PCSK1: variants seen among roughly 807,000 people sequenced by gnomAD.
PCSK1 encodes neuroendocrine convertase 1.
A neutral mutation model predicts 90.6 loss-of-function variants in PCSK1; 56 were observed. The observed-to-expected ratio is 0.62, with a 90% CI of 0.50 to 0.77. The LOEUF (loss-of-function observed/expected upper bound fraction) is 0.77, where lower values mean the gene tolerates loss of function less well. PCSK1 is among the 30% of genes least tolerant of loss of function. The pLI, the probability that PCSK1 is intolerant of heterozygous loss-of-function variation, is 0.00. For missense variants in PCSK1, 801 were observed against 932.6 expected (o/e 0.86, Z 1.84); for synonymous variants, 348 against 342.4 (o/e 1.02, Z -0.18).
Position 96,409,689 on chromosome 5 carries a change from G to A in PCSK1, c.1095+1085C>T, listed in dbSNP as rs374046691. Among the ~76,000 whole-genome samples the A allele has an allele frequency of 3.9e-5, 6 of 152,318 alleles. No individual in the cohort carries two copies. The South Asian group carries it at 1.2e-3, about 32-fold the overall frequency. ...ACCCAGGGAAATGACAACAGCCAGG[G>A]GCTCTGAAGACAAGTGGGGCAGATG... On this transcript the variant is annotated intron_variant, in intron 8 of 13. Coordinates refer to ENST00000311106, the MANE Select transcript of PCSK1 (RefSeq NM_000439.5).
chr5:96,404,601 A>T (rs1311084539), intron 9 of PCSK1, among the ~76,000 whole-genome samples: 2 of 152,184 alleles, frequency 1.3e-5, no homozygotes, highest in East Asian at 3.9e-4. Flanking sequence ...TCATAAATGC[A>T]TGTTCATTTA....
intron 8 of PCSK1, among the ~76,000 whole-genome samples, chr5:96,410,507 G>A (rs1034869255): frequency 6.6e-6 from 1 of 151,914 alleles, no homozygotes; most frequent in Admixed American, 6.6e-5. Context: ...TGGAGTCTCC[G>A]CTGTGTGTAA....
At chr5:96,403,312 C>T (rs142002738) in intron 9 of PCSK1, among the ~76,000 whole-genome samples, 276 of 152,114 alleles carry the variant, frequency 1.8e-3, no homozygotes, top group Non-Finnish European at 2.9e-3. Flanking sequence ...ATGTGCACAA[C>T]GTGCAGTTTT....
At chr5:96,402,963 A>G (rs1760433797) in intron 9 of PCSK1, among the ~76,000 whole-genome samples, 1 of 152,152 alleles carries the variant, frequency 6.6e-6, no homozygotes, top group Non-Finnish European at 1.5e-5. Flanking sequence ...TTTTAAAAGG[A>G]GTTTTAGGTA....
chr5:96,426,394 ATAT>A (rs1443795987), intron 2 of PCSK1, among the ~76,000 whole-genome samples: 1 of 152,186 alleles, frequency 6.6e-6, no homozygotes, highest in African/African-American at 2.4e-5. Context: ...GAAATTGCAA[ATAT>A]TTTATAAAGT....
At chr5:96,424,991 AAGAAAG>A (rs1350395664) in intron 3 of PCSK1, among the ~76,000 whole-genome samples, 109 of 139,684 alleles carry the variant, frequency 7.8e-4, no homozygotes, top group African/African-American at 2.8e-3. Flanking sequence ...GAAAGAAAGA[AAGAAAG>A]AGAAAGAAAG....
At chr5:96,411,544 C>T (rs1348020149) in intron 7 of PCSK1, among the ~76,000 whole-genome samples, 1 of 152,166 alleles carries the variant, frequency 6.6e-6, no homozygotes, top group Non-Finnish European at 1.5e-5. Flanking sequence ...TGCAAGAATA[C>T]AGTAAACCCA....
chr5:96,412,957 G>A, intron 6 of PCSK1: 3 of 1,021,160 alleles, frequency 2.9e-6, no homozygotes, highest in Non-Finnish European at 3.5e-6. Flanking sequence ...GCCCTCTGGT[G>A]ATGCACCTCC....
chr5:96,412,798 C>T (rs1760814473), intron 6 of PCSK1: 1 of 304,378 alleles, frequency 3.3e-6, no homozygotes, highest in Admixed American at 5.4e-5. Context: ...GGCTCTCTTC[C>T]CAGCAAAAGC....
At chr5:96,432,830 C>A (rs1375281589) in intron 1 of PCSK1, 33 bp downstream of exon 1, 1 of 1,601,832 alleles carries the variant, frequency 6.2e-7, no homozygotes, top group Non-Finnish European at 8.5e-7. Context: ...CCCCTGGGGC[C>A]CCAGAAAGTT....
At position 96,393,334 on chromosome 5, in the gene PCSK1, G is replaced by A; in HGVS notation, c.1929C>T (p.Ser643=). 6.2e-7 allele frequency: 1 copy of A among 1,614,084 alleles called. No homozygotes were observed. The highest frequency in any genetic ancestry group is 8.5e-7 in the Non-Finnish European group (1 of 1,180,000). Residue 643 remains serine (S), a synonymous_variant, in exon 14 of 14, where the codon TCC becomes TCT. Transcript: ENST00000311106. The part of the protein sequence containing the change: ...QENPKENTLV[S]KSPSSSSVGG... ...CTACGCTGCTGCTGCTGGGGCTTTT[G>A]GACACCAGGGTGTTCTCCTTAGGGT...
chr5:96,427,885 C>T (rs191015732), intron 2 of PCSK1, among the ~76,000 whole-genome samples: 188 of 152,234 alleles, frequency 1.2e-3, no homozygotes, highest in African/African-American at 4.3e-3. Flanking sequence ...CACGATGAGC[C>T]CTCTCCCTTG....
chr5:96,400,785 C>G (rs1022431876), intron 9 of PCSK1, among the ~76,000 whole-genome samples: 2 of 152,180 alleles, frequency 1.3e-5, no homozygotes, highest in Non-Finnish European at 2.9e-5. Flanking sequence ...TGGTTCTTGT[C>G]TTTTAGAAGT....
chr5:96,418,179 C>T (rs1760993987), intron 5 of PCSK1, among the ~76,000 whole-genome samples: 1 of 152,186 alleles, frequency 6.6e-6, no homozygotes, highest in Non-Finnish European at 1.5e-5. Context: ...TCCTCTTATC[C>T]TCAGGTTCCA....
chr5:96,433,070 G>T lies in PCSK1; in HGVS notation c.-28C>A. The T allele has an allele frequency of 6.2e-7, 1 of 1,607,566 alleles. No individual in the cohort carries two copies. The highest frequency in any genetic ancestry group is 8.5e-7 in the Non-Finnish European group (1 of 1,174,160). On this transcript the variant is annotated 5_prime_UTR_variant, in exon 1 of 14. Coordinates refer to ENST00000311106, the MANE Select transcript of PCSK1 (RefSeq NM_000439.5). ...CTCACACACTCGCTTGAACAAGAGT[G>T]GGAAGGGAAGAGGAAAAAGAAGCAA...
At chr5:96,399,105 C>A in intron 10 of PCSK1, 69 bp from the exon 11 acceptor site, 1 of 1,135,282 alleles carries the variant, frequency 8.8e-7, no homozygotes. Context: ...TGCATATCTG[C>A]ATGCATCAAT....
Position 96,397,436 on chromosome 5 carries a change from C to G in PCSK1, c.1622G>C (p.Arg541Pro). The change falls in exon 12 of 14, where the codon CGG becomes CCG. Residue 541 changes from arginine (R) to proline (P), a missense_variant. Arg to Pro is a moderately radical substitution (Grantham distance 103). Transcript: ENST00000311106. ...CTTAAAGCCATTAGGAGATGTATCC[C>G]GTTCTCTTTCAGCCAAGAGCACAGT... is the stretch of plus-strand genomic sequence containing the variant. ...TSTVLLAERE[R>P]DTSPNGFKNW... The G allele has an allele frequency of 1.2e-6, 2 of 1,612,634 alleles. No individual in the cohort carries two copies. Among genetic ancestry groups the G allele is most frequent in the Middle Eastern group, 1.7e-4 (1 of 6,056 alleles).
Position 96,410,731 on chromosome 5 carries a change from G to A in PCSK1, c.1095+43C>T, listed in dbSNP as rs564885901. The stretch of plus-strand genomic sequence containing the variant: ...GGGAATCATTTCACATGCATGCCAC[G>A]CTCTCCTAACTAAGCAGAGAGAATT... On this transcript the variant is annotated intron_variant, in intron 8 of 13. Transcript: ENST00000311106. 59 of 1,452,108 alleles carry A rather than the reference G, an allele frequency of 4.1e-5. No individual in the cohort carries two copies. In the East Asian group the frequency reaches 7.7e-4, roughly 19 times the overall value. The allele number at this position is 1,452,108 out of a possible 1,614,324, so 90.0% of individuals were successfully genotyped here.
chr5:96,429,136 C>A, intron 2 of PCSK1, 77 bp downstream of exon 2: 2 of 788,018 alleles, frequency 2.5e-6, no homozygotes, highest in South Asian at 3.1e-5. Context: ...TTGCAAAATG[C>A]TTCTGTTTTT....
Sources: gnomAD v4.1 joint callset for allele counts (sites outside exome capture counted in the v4.1 genomes callset) on GRCh38, gnomAD v4.1.1 for gene constraint, MANE v1.5 for transcripts, NCBI Gene and HGNC (gene_info 2026-07-23, HGNC 2026-07-21) for gene names.